PDE10A: variants seen among roughly 807,000 people sequenced by gnomAD.
PDE10A encodes cAMP and cAMP-inhibited cGMP 3',5'-cyclic phosphodiesterase 10A.
Under a neutral mutation model 97.7 loss-of-function variants are expected in PDE10A, and 39 were observed. The observed-to-expected ratio is 0.40, with a 90% confidence interval of 0.31 to 0.52. The LOEUF is 0.52. PDE10A is among the 20% of genes least tolerant of loss of function. PDE10A has a pLI of 0.56. For missense variants in PDE10A, 731 were observed against 1,047.8 expected (o/e 0.70, Z 4.17); for synonymous variants, 371 against 376.8 (o/e 0.98, Z 0.18).
chr6:165,374,242 A>T lies in PDE10A; in HGVS notation c.2783+4952T>A, dbSNP rs568609666. 2.0e-3 allele frequency among the ~76,000 whole-genome samples: 302 copies of T among 151,944 alleles called. 1 individual carries two copies. Among genetic ancestry groups the T allele is most frequent in the Non-Finnish European group, 3.2e-3 (215 of 67,946 alleles). On this transcript the variant is annotated intron_variant, in intron 18 of 21. Coordinates refer to ENST00000539869, the MANE Select transcript of PDE10A (RefSeq NM_001385079.1). The stretch of plus-strand genomic sequence containing the variant: ...ACTTGAAGTATGATAATAATAATAA[A>T]AAAATTAAATCTATAAAAATACATA...
At chr6:165,980,372 G>A (rs1440421542) in intron 1 of PDE10A, among the ~76,000 whole-genome samples, 1 of 143,912 alleles carries the variant, frequency 6.9e-6, no homozygotes, top group African/African-American at 2.5e-5. Context: ...TGTTGAGAAA[G>A]TACTGTGTGG....
At chr6:165,928,221 T>C (rs1217246046) in intron 1 of PDE10A, among the ~76,000 whole-genome samples, 1 of 152,178 alleles carries the variant, frequency 6.6e-6, no homozygotes, top group African/African-American at 2.4e-5. Flanking sequence ...ATGGGCGTCC[T>C]CAAAGGTACC....
intron 1 of PDE10A, among the ~76,000 whole-genome samples, chr6:165,987,258 T>C (rs1236610179): frequency 6.6e-6 from 1 of 152,114 alleles, no homozygotes; most frequent in Non-Finnish European, 1.5e-5. Context: ...CGGGCTGCAG[T>C]CTCTCTCCCC....
intron 13 of PDE10A, chr6:165,409,627 G>T (rs1787565020): frequency 6.3e-6 from 1 of 159,322 alleles, no homozygotes; most frequent in Non-Finnish European, 1.4e-5. Flanking sequence ...GCAGGGTCGG[G>T]CCTGGTTAGT....
chr6:165,674,926 C>T (rs1213523496), intron 1 of PDE10A, among the ~76,000 whole-genome samples: 1 of 152,088 alleles, frequency 6.6e-6, no homozygotes. Flanking sequence ...TCTTAGACTC[C>T]ACACTTCTCT....
chr6:165,488,841 A>G (rs1201195531), intron 2 of PDE10A, among the ~76,000 whole-genome samples: 1 of 152,046 alleles, frequency 6.6e-6, no homozygotes, highest in East Asian at 1.9e-4. Flanking sequence ...CCTATATGTC[A>G]CAGCAGAGGC....
intron 5 of PDE10A, among the ~76,000 whole-genome samples, chr6:165,436,482 G>T (rs1177977010): frequency 6.6e-6 from 1 of 152,120 alleles, no homozygotes; most frequent in Non-Finnish European, 1.5e-5. Flanking sequence ...GGAGAGAAAA[G>T]CAAAGCTTTG....
At chr6:165,899,991 T>C (rs138975306) in intron 1 of PDE10A, among the ~76,000 whole-genome samples, 1 of 152,350 alleles carries the variant, frequency 6.6e-6, no homozygotes, top group Non-Finnish European at 1.5e-5. Flanking sequence ...GGCTATCTGA[T>C]GGGTCCTGCT....
In PDE10A at chr6:165,432,968, C is replaced by G. The variant is rs778008956; in HGVS notation, c.1491+6G>C. The G allele has an allele frequency of 6.2e-7, 1 of 1,612,212 alleles. No individual in the cohort carries two copies. The highest frequency in any genetic ancestry group is 8.5e-7 in the Non-Finnish European group (1 of 1,178,864). The stretch of plus-strand genomic sequence containing the variant: ...AATTCTAACATGCAGCATTTAAAGG[C>G]CTTACCTCCTGGTGACTAAGACAGA... On this transcript the variant is annotated splice_donor_region_variant and intron_variant, in intron 7 of 21. Coordinates refer to ENST00000539869, the MANE Select transcript of PDE10A (RefSeq NM_001385079.1).
intron 18 of PDE10A, among the ~76,000 whole-genome samples, chr6:165,378,621 T>C (rs1326142762): frequency 6.6e-6 from 1 of 152,222 alleles, no homozygotes; most frequent in African/African-American, 2.4e-5. Context: ...CCTGATTCCA[T>C]TAGGATATCT....
At chr6:165,457,204 G>C (rs1778003963) in intron 3 of PDE10A, among the ~76,000 whole-genome samples, 1 of 152,072 alleles carries the variant, frequency 6.6e-6, no homozygotes. Context: ...TACTAATAAA[G>C]ATGTTAAGAA....
chr6:165,564,897 C>G (rs1160958950), intron 1 of PDE10A, among the ~76,000 whole-genome samples: 2 of 152,196 alleles, frequency 1.3e-5, no homozygotes, highest in East Asian at 3.9e-4. Context: ...GTATAAATAG[C>G]TAGAATTGTG....
intron 13 of PDE10A, among the ~76,000 whole-genome samples, chr6:165,410,576 T>C (rs1264386338): frequency 1.3e-5 from 2 of 152,102 alleles, no homozygotes; most frequent in Non-Finnish European, 1.5e-5. Context: ...TAGAGATTTA[T>C]GTATAAACTC....
intron 8 of PDE10A, 107 bp downstream of exon 8, chr6:165,431,315 C>A: frequency 1.7e-6 from 1 of 585,118 alleles, no homozygotes; most frequent in Non-Finnish European, 3.0e-6. Context: ...TGTAATATCC[C>A]AAAATAAGGC....
rs371876255 is a variant in PDE10A at position 165,943,172 on chromosome 6, GAAA to G, written c.-615+44354_-615+44356del. Among the ~76,000 whole-genome samples, 32 of 60,276 alleles carry G rather than the reference GAAA, an allele frequency of 5.3e-4. 1 individual carries two copies. Among genetic ancestry groups the G allele is most frequent in the African/African-American group, 2.5e-3 (29 of 11,824 alleles). The allele number at this position is 60,276 out of a possible 152,430, so 39.5% of individuals were successfully genotyped here. ...GAGAGAGAGAGAGAGAAGAAAGAAAGAAAAAAGAAAGAAAGAAAGAAAGAAAGA... is the reference window on the plus strand; with the variant it reads ...GAGAGAGAGAGAGAGAAGAAAGAAAGAAAGAAAGAAAGAAAGAAAGAAAGA... On this transcript the variant is annotated intron_variant, in intron 1 of 19. Coordinates refer to the PDE10A transcript ENST00000366882.
At chr6:165,402,761 T>C (rs1786769358) in intron 13 of PDE10A, among the ~76,000 whole-genome samples, 3 of 152,168 alleles carry the variant, frequency 2.0e-5, no homozygotes, top group Non-Finnish European at 4.4e-5. Context: ...TAAAAATACA[T>C]CCATTCACAT....
rs1308673435 is a variant in PDE10A, at chr6:165,511,246, A to C, written c.995-28903T>G. On this transcript the variant is annotated intron_variant, in intron 2 of 21. Coordinates refer to ENST00000539869, the MANE Select transcript of PDE10A (RefSeq NM_001385079.1). Reference sequence around the variant, plus strand: ...ATTTCCGTTTTCATTTGTTTCAATAAATGTTTTGATTTTCATATTAATTTC... The same window carrying C: ...ATTTCCGTTTTCATTTGTTTCAATACATGTTTTGATTTTCATATTAATTTC... Among the ~76,000 whole-genome samples the C allele has an allele frequency of 2.0e-5, 3 of 151,806 alleles. No individual in the cohort carries two copies. In the South Asian group the frequency reaches 6.2e-4, roughly 32 times the overall value.
chr6:165,515,431 A>G (rs1230641926), intron 2 of PDE10A, among the ~76,000 whole-genome samples: 1 of 151,884 alleles, frequency 6.6e-6, no homozygotes, highest in Non-Finnish European at 1.5e-5. Context: ...GTATACTTTT[A>G]TATAAAATTA....
At chr6:165,539,673 G>A (rs1456343180) in intron 2 of PDE10A, among the ~76,000 whole-genome samples, 1 of 152,166 alleles carries the variant, frequency 6.6e-6, no homozygotes, top group Admixed American at 6.5e-5. Flanking sequence ...TGCAAGCCCA[G>A]CGCTCCGGGA....
Sources: gnomAD v4.1 joint callset for allele counts (sites outside exome capture counted in the v4.1 genomes callset) on GRCh38, gnomAD v4.1.1 for gene constraint, MANE v1.5 for transcripts, NCBI Gene and HGNC (gene_info 2026-07-23, HGNC 2026-07-21) for gene names.